Variants in ARHGEF37 observed in about 807,000 individuals in gnomAD.
The protein encoded by ARHGEF37 is Rho guanine nucleotide exchange factor 37.
Under a neutral mutation model 71.1 loss-of-function variants are expected in ARHGEF37, and 55 were observed. That is an observed-to-expected ratio of 0.77 (90% CI 0.62 to 0.97). ARHGEF37 has a LOEUF of 0.97. Ranked by LOEUF, ARHGEF37 falls within the 50% of genes least tolerant of loss-of-function variation. The pLI is 0.00. For missense variants in ARHGEF37, 765 were observed against 836.8 expected, an observed-to-expected ratio of 0.91 and a Z score of 1.06; for synonymous variants, 327 against 350.6, an observed-to-expected ratio of 0.93 and a Z score of 0.75.
Position 149,609,636 on chromosome 5 carries a change from C to A in ARHGEF37, c.399C>A (p.Asp133Glu). 1.2e-6 allele frequency: 2 copies of A among 1,613,264 alleles called. No individual in the cohort carries two copies. Among genetic ancestry groups the A allele is most frequent in the Non-Finnish European group, 1.7e-6 (2 of 1,180,046 alleles). The change falls in exon 4 of 13, where the codon GAC becomes GAA. Residue 133 changes from aspartate (D) to glutamate (E), a missense_variant. Transcript: ENST00000333677. Reference protein sequence around the residue: ...ASYDQALLLVDTYRKEPELQR... With the variant: ...ASYDQALLLVETYRKEPELQR... ...ACGACCAGGCCTTGCTACTGGTGGACACGTACCGGAAGGAGCCGGAGCTGC... is the reference window on the plus strand; with the variant it reads ...ACGACCAGGCCTTGCTACTGGTGGAAACGTACCGGAAGGAGCCGGAGCTGC...
At chr5:149,585,132 G>A (rs1763196938) in intron 1 of ARHGEF37, among the ~76,000 whole-genome samples, 1 of 152,164 alleles carries the variant, frequency 6.6e-6, no homozygotes. Flanking sequence ...TGGCTAAAAT[G>A]AAAAGATTGG....
In ARHGEF37 at chr5:149,618,222, G is replaced by T. The variant is rs763200587; in HGVS notation, c.705G>T (p.Leu235=). ...KVEQLTLRER[L]ARINTHTLSK... ...AGCAGCTGACCCTCCGGGAGCGGCT[G>T]GCCCGCATCAACACACACACCCTCT... is the stretch of plus-strand genomic sequence containing the variant. The change falls in exon 6 of 13, where the codon CTG becomes CTT. Residue 235 remains leucine, a synonymous_variant. Transcript: ENST00000333677. 1.2e-6 allele frequency: 2 copies of T among 1,614,202 alleles called. No homozygotes were observed. Among genetic ancestry groups the T allele is most frequent in the Non-Finnish European group, 1.7e-6 (2 of 1,180,030 alleles).
chr5:149,633,145 A>T lies in ARHGEF37; in HGVS notation c.*954A>T, dbSNP rs939936476. 6.6e-6 allele frequency: 1 copy of T among 152,384 alleles called. No individual in the cohort carries two copies. The highest frequency in any genetic ancestry group is 1.5e-5 in the Non-Finnish European group (1 of 68,078). 9.4% of individuals were successfully genotyped at this position (152,384 alleles called of 1,614,324 possible). ...TGGATGTGATGCAATTGGCTGTGGGACCTTAGATGTAGGACACAACTTCAG... is the reference window on the plus strand; with the variant it reads ...TGGATGTGATGCAATTGGCTGTGGGTCCTTAGATGTAGGACACAACTTCAG... On this transcript the variant is annotated 3_prime_UTR_variant, in exon 13 of 13. Transcript: ENST00000333677.
chr5:149,569,779 C>A (rs902258315), intron 1 of ARHGEF37, among the ~76,000 whole-genome samples: 20 of 152,082 alleles, frequency 1.3e-4, no homozygotes, highest in Non-Finnish European at 2.8e-4. Flanking sequence ...CACCACCACG[C>A]CCGGCTAATT....
At chr5:149,596,347 C>T (rs1161116617) in intron 1 of ARHGEF37, among the ~76,000 whole-genome samples, 2 of 152,184 alleles carry the variant, frequency 1.3e-5, no homozygotes, top group African/African-American at 2.4e-5. Context: ...CTCTGTCACC[C>T]AGGCTGGAGG....
intron 4 of ARHGEF37, among the ~76,000 whole-genome samples, chr5:149,610,439 G>A (rs1183432364): frequency 1.3e-5 from 2 of 152,136 alleles, no homozygotes; most frequent in South Asian, 2.1e-4. Flanking sequence ...TTTCGAATGG[G>A]TAACGTGATT....
Position 149,622,081 on chromosome 5 carries a change from G to A in ARHGEF37, c.1335+19G>A. ...GGCCCAGGTAAGGCCTCTGAGACTT[G>A]GACACCTGTGGGGAGTAGCCAGGCA... On this transcript the variant is annotated intron_variant, in intron 9 of 12. Transcript: ENST00000333677. 1 of 1,580,678 alleles carries A rather than the reference G, an allele frequency of 6.3e-7. No homozygotes were observed. Among genetic ancestry groups the A allele is most frequent in the East Asian group, 2.3e-5 (1 of 43,770 alleles).
intron 1 of ARHGEF37, among the ~76,000 whole-genome samples, chr5:149,593,292 C>T (rs768395533): frequency 6.6e-6 from 1 of 152,206 alleles, no homozygotes; most frequent in Non-Finnish European, 1.5e-5. Flanking sequence ...CCCCAGAAAA[C>T]GTTGCATCCT....
intron 1 of ARHGEF37, among the ~76,000 whole-genome samples, chr5:149,556,407 G>C (rs1196650006): frequency 2.1e-5 from 2 of 93,514 alleles, no homozygotes; most frequent in African/African-American, 5.6e-5. Context: ...TTTATTTTGA[G>C]ATGGAGTCTC....
chr5:149,558,278 C>A (rs1224102446), intron 1 of ARHGEF37, among the ~76,000 whole-genome samples: 5 of 152,158 alleles, frequency 3.3e-5, no homozygotes, highest in African/African-American at 1.2e-4. Flanking sequence ...GAGGCTGAGG[C>A]GGGCGGATCA....
chr5:149,597,479 G>A (rs1380320614), intron 1 of ARHGEF37, among the ~76,000 whole-genome samples: 2 of 152,026 alleles, frequency 1.3e-5, no homozygotes, highest in African/African-American at 2.4e-5. Context: ...GGCTGGTCTC[G>A]AACTCCTGAC....
upstream of ARHGEF37, among the ~76,000 whole-genome samples, chr5:149,578,848 CT>C (rs1763055781): frequency 6.6e-6 from 1 of 152,118 alleles, no homozygotes; most frequent in African/African-American, 2.4e-5. Context: ...AATAATGCCC[CT>C]TCTAAAGTCA....
At chr5:149,558,590 A>G (rs1762783716) in intron 1 of ARHGEF37, among the ~76,000 whole-genome samples, 1 of 151,950 alleles carries the variant, frequency 6.6e-6, no homozygotes, top group South Asian at 2.1e-4. Context: ...ACCTGGGCTC[A>G]AGTGATCCTC....
intron 2 of ARHGEF37, among the ~76,000 whole-genome samples, chr5:149,598,567 G>A (rs1763644643): frequency 6.6e-6 from 1 of 150,596 alleles, no homozygotes; most frequent in South Asian, 2.1e-4. Flanking sequence ...CAGCGACTTG[G>A]CCTGGCCCTC....
chr5:149,578,261 C>G (rs1254385232), upstream of ARHGEF37, among the ~76,000 whole-genome samples: 1 of 152,234 alleles, frequency 6.6e-6, no homozygotes, highest in Non-Finnish European at 1.5e-5. Context: ...TGGCTAGTAA[C>G]TAGTCTTTAG....
chr5:149,628,712 A>T, intron 11 of ARHGEF37, 97 bp from the exon 12 acceptor site: 1 of 1,434,656 alleles, frequency 7.0e-7, no homozygotes, highest in Non-Finnish European at 9.3e-7. Flanking sequence ...GGTGTTGAGA[A>T]GCTGTGTTGG....
At chr5:149,577,650 T>TTGCTGTATTAAGTACATTA (rs1248384954), upstream of ARHGEF37, among the ~76,000 whole-genome samples, 7 of 152,236 alleles carry the variant, frequency 4.6e-5, no homozygotes, top group African/African-American at 1.7e-4. Flanking sequence ...TTCAGCTCAG[T>TTGCTGTATTAAGTACATTA]TGCTGTATTA....
intron 12 of ARHGEF37, among the ~76,000 whole-genome samples, chr5:149,630,888 C>A (rs1752860883): frequency 6.6e-6 from 1 of 152,160 alleles, no homozygotes; most frequent in Non-Finnish European, 1.5e-5. Context: ...AATGGTAAAA[C>A]AAACAAACAA....
chr5:149,628,186 G>A (rs6869554), intron 11 of ARHGEF37, among the ~76,000 whole-genome samples: 57,627 of 152,078 alleles, frequency 0.38, 11,900 homozygotes, highest in Non-Finnish European at 0.47. Context: ...TTTGCTGACT[G>A]TGTGATCTCA....
Sources: gnomAD v4.1 joint callset for allele counts (sites outside exome capture counted in the v4.1 genomes callset) on GRCh38, gnomAD v4.1.1 for gene constraint, MANE v1.5 for transcripts, NCBI Gene and HGNC (gene_info 2026-07-23, HGNC 2026-07-21) for gene names.